CSMD3: variants seen among roughly 807,000 people sequenced by gnomAD.
The protein encoded by CSMD3 is CUB and Sushi multiple domains 3, also known as CUB and sushi domain-containing protein 3.
A neutral mutation model predicts 435.2 loss-of-function variants in CSMD3; 177 were observed. That is an observed-to-expected ratio of 0.41 (90% CI 0.36 to 0.46). The LOEUF is 0.46. CSMD3 is among the 20% of genes least tolerant of loss of function. The pLI is 0.34. For missense variants in CSMD3, 4,265 were observed against 4,504.6 expected (o/e 0.95, Z 1.52); for synonymous variants, 1,656 against 1,520.5 (o/e 1.09, Z -2.07).
intron 5 of CSMD3, 51 bp downstream of exon 5, chr8:113,098,705 T>C (rs754198845): frequency 2.5e-6 from 3 of 1,205,028 alleles, no homozygotes; most frequent in Non-Finnish European, 3.7e-6. Flanking sequence ...CTTTGTTCCT[T>C]AGTTTGCTTC....
At chr8:112,402,195 T>C (rs932873529) in intron 35 of CSMD3, among the ~76,000 whole-genome samples, 1 of 152,208 alleles carries the variant, frequency 6.6e-6, no homozygotes, top group Non-Finnish European at 1.5e-5. Context: ...TCAGAGATTA[T>C]GTAAATTTTC....
chr8:112,336,533 T>C, intron 44 of CSMD3, 119 bp downstream of exon 44: 1 of 814,132 alleles, frequency 1.2e-6, no homozygotes, highest in Non-Finnish European at 2.1e-6. Context: ...CCTCAGTTAC[T>C]CACATCAATT....
chr8:112,591,571 G>A (rs137877611), intron 22 of CSMD3, among the ~76,000 whole-genome samples: 1 of 152,162 alleles, frequency 6.6e-6, no homozygotes, highest in African/African-American at 2.4e-5. Flanking sequence ...CATTACAACT[G>A]AGTCTTTTTA....
At chr8:112,952,165 A>G (rs1285603664) in intron 8 of CSMD3, among the ~76,000 whole-genome samples, 1 of 151,552 alleles carries the variant, frequency 6.6e-6, no homozygotes, top group Non-Finnish European at 1.5e-5. Context: ...AAAAAAAAAA[A>G]ATCTGAATGA....
rs1416617258 is a variant in CSMD3, at chr8:112,525,792, A to ATG, written c.4565-8568_4565-8567insCA. ...TATATTTATATGTGTGTGTATATAT[A>ATG]TATGTATATATATATATACACACAC... is the stretch of plus-strand genomic sequence containing the variant. On this transcript the variant is annotated intron_variant, in intron 27 of 70. Transcript: ENST00000297405. 3.0e-5 allele frequency among the ~76,000 whole-genome samples: 4 copies of ATG among 132,120 alleles called. No individual in the cohort carries two copies. In the East Asian group the frequency reaches 6.3e-4, roughly 21 times the overall value. 86.7% of individuals were successfully genotyped at this position (132,120 alleles called of 152,430 possible).
chr8:112,319,089 G>A (rs1047133880), intron 46 of CSMD3, 139 bp from the exon 47 acceptor site: 1 of 671,598 alleles, frequency 1.5e-6, no homozygotes, highest in South Asian at 1.7e-5. Context: ...ATAAGTAGGA[G>A]TTATATTCAA....
chr8:112,880,707 C>T (rs1206578373), intron 10 of CSMD3, among the ~76,000 whole-genome samples: 1 of 151,848 alleles, frequency 6.6e-6, no homozygotes, highest in Non-Finnish European at 1.5e-5. Flanking sequence ...TGATAGGCTA[C>T]TACAGTTGTT....
chr8:112,366,990 A>G (rs1228778284), intron 38 of CSMD3, among the ~76,000 whole-genome samples: 1 of 152,012 alleles, frequency 6.6e-6, no homozygotes, highest in Non-Finnish European at 1.5e-5. Context: ...CAATTTTTCT[A>G]TAATTCAATT....
intron 30 of CSMD3, among the ~76,000 whole-genome samples, chr8:112,500,893 C>T (rs1821876271): frequency 1.5e-5 from 1 of 64,630 alleles, no homozygotes; most frequent in African/African-American, 8.3e-5. Flanking sequence ...CAGGCAAAGC[C>T]TCCTTTTGCA....
At chr8:112,750,033 CT>C (rs558245648) in intron 13 of CSMD3, among the ~76,000 whole-genome samples, 272 of 152,082 alleles carry the variant, frequency 1.8e-3, no homozygotes, top group African/African-American at 5.1e-3. Context: ...AGGAAACCCC[CT>C]GACAATAAAA....
intron 63 of CSMD3, among the ~76,000 whole-genome samples, chr8:112,249,817 C>A (rs1326737435): frequency 6.6e-6 from 1 of 152,012 alleles, no homozygotes; most frequent in Non-Finnish European, 1.5e-5. Flanking sequence ...CTAGCTCTTA[C>A]ACTAAAAGAA....
At chr8:113,088,132 GAGAA>G (rs1206099636) in intron 5 of CSMD3, among the ~76,000 whole-genome samples, 1 of 150,318 alleles carries the variant, frequency 6.7e-6, no homozygotes, top group Non-Finnish European at 1.5e-5. Flanking sequence ...CTGGCCATCA[GAGAA>G]ATGCAAATCA....
At chr8:113,247,038 A>T (rs1439457874) in intron 3 of CSMD3, among the ~76,000 whole-genome samples, 1 of 152,146 alleles carries the variant, frequency 6.6e-6, no homozygotes, top group East Asian at 1.9e-4. Context: ...CTGGGCATGT[A>T]CACACTTTGC....
intron 1 of CSMD3, among the ~76,000 whole-genome samples, chr8:113,407,695 G>C (rs2094538862): frequency 6.6e-6 from 1 of 152,046 alleles, no homozygotes; most frequent in South Asian, 2.1e-4. Context: ...TTGACTCTCT[G>C]AAGCAGGTAC....
In CSMD3 at chr8:112,645,106, T is replaced by A; in HGVS notation, c.3310+3A>T. On this transcript the variant is annotated splice_donor_region_variant and intron_variant, in intron 20 of 70. Coordinates refer to ENST00000297405, the MANE Select transcript of CSMD3 (RefSeq NM_198123.2). ...CCAATTATTATTTCATGAGGCAAAT[T>A]ACCTTTTCCATGGGTTACATCAACA... The A allele has an allele frequency of 7.1e-7, 1 of 1,402,174 alleles. No individual in the cohort carries two copies. 86.9% of individuals were successfully genotyped at this position (1,402,174 alleles called of 1,614,324 possible). A position where few individuals can be genotyped will look rare whatever the true frequency, so the allele number is the denominator to read the frequency against.
intron 1 of CSMD3, among the ~76,000 whole-genome samples, chr8:113,372,725 A>T (rs557779093): frequency 4.6e-5 from 7 of 152,130 alleles, no homozygotes; most frequent in Non-Finnish European, 8.8e-5. Context: ...TGAGGTCAGG[A>T]GATCGAGACC....
At chr8:113,248,771 T>C (rs952487855) in intron 3 of CSMD3, among the ~76,000 whole-genome samples, 27 of 151,694 alleles carry the variant, frequency 1.8e-4, no homozygotes, top group Non-Finnish European at 3.4e-4. Flanking sequence ...ATGATATACA[T>C]GTGGAGGAAA....
intron 20 of CSMD3, among the ~76,000 whole-genome samples, chr8:112,642,029 T>C (rs953487295): frequency 7.9e-5 from 12 of 152,096 alleles, no homozygotes; most frequent in Non-Finnish European, 1.5e-5. Context: ...ATATCGTAAT[T>C]ACTTCTAGTA....
chr8:112,794,437 G>A (rs901267937), intron 13 of CSMD3, among the ~76,000 whole-genome samples: 1 of 151,700 alleles, frequency 6.6e-6, no homozygotes, highest in Non-Finnish European at 1.5e-5. Flanking sequence ...TGGGATCACA[G>A]GCACGCACCA....
Sources: allele counts gnomAD v4.1 joint callset (sites outside exome capture counted in the v4.1 genomes callset), GRCh38; gene constraint gnomAD v4.1.1; transcripts MANE v1.5; gene names NCBI Gene and HGNC (gene_info 2026-07-23, HGNC 2026-07-21).